The following ATP13A4 variants were observed in gnomAD, a reference collection of about 807,000 sequenced individuals.
ATP13A4 encodes ATPase 13A4.
A neutral mutation model predicts 142.5 loss-of-function variants in ATP13A4; 114 were observed. The ratio of observed to expected loss-of-function variants is 0.80; its 90% confidence interval spans 0.69 to 0.93. The LOEUF (loss-of-function observed/expected upper bound fraction) is 0.93, where lower values mean the gene tolerates loss of function less well. ATP13A4 is among the 40% of genes least tolerant of loss of function. The pLI is 0.00. For missense variants in ATP13A4, 1,392 were observed against 1,454.0 expected, an observed-to-expected ratio of 0.96 and a Z score of 0.69; for synonymous variants, 488 against 514.8, an observed-to-expected ratio of 0.95 and a Z score of 0.70.
intron 13 of ATP13A4, among the ~76,000 whole-genome samples, chr3:193,461,818 G>A (rs1003405351): frequency 3.9e-5 from 6 of 152,172 alleles, no homozygotes; most frequent in East Asian, 1.9e-4. Flanking sequence ...TTGAAAAAGC[G>A]GGCAGAGACG....
chr3:193,402,441 C>T lies in ATP13A4; in HGVS notation c.*211G>A. ...TGCCTTCACTGAATGCCTCTAATAC[C>T]TTCAGAAGCCAAGAGGAAAGCACTC... On this transcript the variant is annotated 3_prime_UTR_variant, in exon 30 of 30. Transcript: ENST00000342695. 1.8e-6 allele frequency: 1 copy of T among 547,192 alleles called. No homozygotes were observed. The highest frequency in any genetic ancestry group is 3.3e-6 in the Non-Finnish European group (1 of 305,836). 33.9% of individuals were successfully genotyped at this position (547,192 alleles called of 1,614,324 possible). A position where few individuals can be genotyped will look rare whatever the true frequency, so the allele number is the denominator to read the frequency against.
intron 2 of ATP13A4, among the ~76,000 whole-genome samples, chr3:193,573,274 T>TATATATATATATATATATATATAC (rs1209937896): frequency 7.2e-5 from 6 of 83,046 alleles, no homozygotes; most frequent in African/African-American, 3.5e-4. Flanking sequence ...TATATATATA[T>TATATATATATATATATATATATAC]ACATATATAT....
At chr3:193,539,832 T>A (rs1201595747) in intron 1 of ATP13A4, among the ~76,000 whole-genome samples, 1 of 152,228 alleles carries the variant, frequency 6.6e-6, no homozygotes, top group East Asian at 1.9e-4. Context: ...TAACTATTAT[T>A]ATTATTAGGC....
Position 193,417,723 on chromosome 3 carries a change from T to C in ATP13A4, c.2843-2973A>G, listed in dbSNP as rs1046133738. ...GAAATTGGCCAGGCGCGGTGGCTCA[T>C]GCCTGTAATCCCAGCACTTCGGGAG... On this transcript the variant is annotated intron_variant, in intron 25 of 29. Coordinates refer to ENST00000342695, the MANE Select transcript of ATP13A4 (RefSeq NM_032279.4). 4.6e-4 allele frequency among the ~76,000 whole-genome samples: 63 copies of C among 136,404 alleles called. 4 individuals are homozygous for C. The highest frequency in any genetic ancestry group is 1.6e-3 in the African/African-American group (59 of 36,578). The allele number at this position is 136,404 out of a possible 152,430, so 89.5% of individuals were successfully genotyped here.
At chr3:193,577,400 C>T (rs1377672376) in intron 2 of ATP13A4, among the ~76,000 whole-genome samples, 5 of 152,176 alleles carry the variant, frequency 3.3e-5, no homozygotes, top group South Asian at 2.1e-4. Context: ...TTCTGAGATG[C>T]CTTTTCACCT....
chr3:193,473,379 A>C (rs997183662), intron 8 of ATP13A4, among the ~76,000 whole-genome samples: 2 of 152,232 alleles, frequency 1.3e-5, no homozygotes, highest in Non-Finnish European at 2.9e-5. Context: ...TTTTCCTTGC[A>C]GCAAAATGGC....
rs1714957408 is a variant in ATP13A4, at chr3:193,414,647, G to C, written c.2946C>G (p.Ser982Arg). The C allele has an allele frequency of 1.2e-6, 2 of 1,614,110 alleles. No homozygotes were observed. Among genetic ancestry groups the C allele is most frequent in the Admixed American group, 3.3e-5 (2 of 59,990 alleles). Reference protein sequence around the residue: ...LLSVIFNILLSLAMHIAGFIL... With the variant: ...LLSVIFNILLRLAMHIAGFIL... ...TGAAGCCTGCAATATGCATGGCCAG[G>C]CTGAGAAGAATGTTGAAAATCACAG... is the stretch of plus-strand genomic sequence containing the variant. Residue 982 changes from serine to arginine, a missense_variant, in exon 26 of 30, where the codon AGC (serine) becomes AGG (arginine). By Grantham distance (110) the Ser-to-Arg change is moderately radical. Coordinates refer to ENST00000342695, the MANE Select transcript of ATP13A4 (RefSeq NM_032279.4).
chr3:193,470,277 G>A (rs1718542352), intron 9 of ATP13A4, among the ~76,000 whole-genome samples: 1 of 152,152 alleles, frequency 6.6e-6, no homozygotes, highest in Non-Finnish European at 1.5e-5. Context: ...TATGATATGA[G>A]ATAACCTCAC....
intron 28 of ATP13A4, among the ~76,000 whole-genome samples, chr3:193,409,277 G>C (rs1280932786): frequency 6.6e-6 from 1 of 152,126 alleles, no homozygotes; most frequent in Non-Finnish European, 1.5e-5. Flanking sequence ...AAAGAAGGAA[G>C]AATATAGTGA....
At chr3:193,491,520 C>A in intron 5 of ATP13A4, 122 bp from the exon 6 acceptor site, 1 of 775,514 alleles carries the variant, frequency 1.3e-6, no homozygotes. Flanking sequence ...ACATAAGTCT[C>A]CCTTGTTAAA....
At chr3:193,537,381 T>C (rs1329437222) in intron 1 of ATP13A4, among the ~76,000 whole-genome samples, 1 of 150,946 alleles carries the variant, frequency 6.6e-6, no homozygotes, top group Non-Finnish European at 1.5e-5. Flanking sequence ...TGGATATCCA[T>C]AGGCAAAAAT....
intron 2 of ATP13A4, among the ~76,000 whole-genome samples, chr3:193,564,436 C>G (rs1724089089): frequency 6.6e-6 from 1 of 152,206 alleles, no homozygotes; most frequent in East Asian, 1.9e-4. Context: ...GGTTGGTCAT[C>G]ATCAAGTATC....
chr3:193,407,453 C>G, intron 28 of ATP13A4, 60 bp from the exon 29 acceptor site: 12 of 1,270,534 alleles, frequency 9.4e-6, no homozygotes, highest in Non-Finnish European at 1.3e-5. Flanking sequence ...GAAACATGCT[C>G]ACATGTTCAC....
intron 1 of ATP13A4, among the ~76,000 whole-genome samples, chr3:193,517,391 T>C (rs77006878): frequency 0.03 from 4,537 of 152,330 alleles, 221 homozygotes; most frequent in African/African-American, 0.1. Flanking sequence ...AATGGGGTGC[T>C]ATTAATAATA....
chr3:193,532,295 G>T (rs1872533), intron 1 of ATP13A4, among the ~76,000 whole-genome samples: 20,363 of 150,978 alleles, frequency 0.13, 1,491 homozygotes, highest in Non-Finnish European at 0.16. Context: ...CTGACAAGTG[G>T]CACCTGTTTG....
chr3:193,407,237 C>T (rs1714542302), intron 29 of ATP13A4, 76 bp downstream of exon 29: 5 of 1,358,710 alleles, frequency 3.7e-6, no homozygotes, highest in Non-Finnish European at 5.2e-6. Context: ...TTGTTGTTTT[C>T]AGAGTCCCAA....
intron 8 of ATP13A4, among the ~76,000 whole-genome samples, chr3:193,476,796 A>G (rs1315923344): frequency 6.6e-6 from 1 of 152,006 alleles, no homozygotes; most frequent in Admixed American, 6.6e-5. Context: ...AGAGACAGGA[A>G]TGGCCAGTTG....
rs1489925 is a variant in ATP13A4 at position 193,489,908 on chromosome 3, G to A, written c.604-44C>T. 1.0e-4 allele frequency: 162 copies of A among 1,581,374 alleles called. No homozygotes were observed. In the African/African-American group the frequency reaches 1.9e-3, roughly 19 times the overall value. ...ACAGGAAGACAAGGGAGAGTTTTAG[G>A]CTTCACTCTGCTCTTCATTTACTTG... is the stretch of plus-strand genomic sequence containing the variant. On this transcript the variant is annotated intron_variant, in intron 6 of 29. Coordinates refer to ENST00000342695, the MANE Select transcript of ATP13A4 (RefSeq NM_032279.4).
At chr3:193,504,020 T>TGTGTGTGTGTGTGTGTGTGG (rs1034644341) in intron 2 of ATP13A4, among the ~76,000 whole-genome samples, 1 of 144,216 alleles carries the variant, frequency 6.9e-6, no homozygotes, top group Non-Finnish European at 1.5e-5. Context: ...TGTGTGTGTG[T>TGTGTGTGTGTGTGTGTGTGG]GAGAGAGAGA....
Sources: allele counts gnomAD v4.1 joint callset (sites outside exome capture counted in the v4.1 genomes callset), GRCh38; gene constraint gnomAD v4.1.1; transcripts MANE v1.5; gene names NCBI Gene and HGNC (gene_info 2026-07-23, HGNC 2026-07-21).